Variants in IGSF21 observed in about 807,000 individuals in gnomAD.
IGSF21 encodes immunoglobin superfamily member 21, also known as immunoglobulin superfamily member 21.
In IGSF21, 28 loss-of-function variants were observed where a neutral mutation model predicts 46.8. That is an observed-to-expected ratio of 0.60 (90% confidence interval 0.44 to 0.82). The LOEUF is 0.82. Among genes scored for constraint, IGSF21 ranks in the 40% least tolerant of loss-of-function variants. IGSF21 has a pLI of 0.00. For synonymous variants in IGSF21, 284 were observed against 273.6 expected, an observed-to-expected ratio of 1.04 and a Z score of -0.38; for missense variants, 624 against 665.5, an observed-to-expected ratio of 0.94 and a Z score of 0.69.
At chr1:18,123,182 C>T (rs975540654) in intron 1 of IGSF21, among the ~76,000 whole-genome samples, 14 of 152,152 alleles carry the variant, frequency 9.2e-5, no homozygotes, top group South Asian at 4.1e-4. Context: ...TAAGATTATT[C>T]GATGGGCAAT....
intron 4 of IGSF21, among the ~76,000 whole-genome samples, chr1:18,349,494 G>C (rs2085928233): frequency 6.6e-6 from 1 of 152,204 alleles, no homozygotes. Context: ...AGATAGGACA[G>C]GAGGCGCTGC....
intron 2 of IGSF21, among the ~76,000 whole-genome samples, chr1:18,286,991 C>G (rs371065922): frequency 0.02 from 3,063 of 151,822 alleles, 34 homozygotes; most frequent in Middle Eastern, 0.034. Flanking sequence ...ACCATCCCGG[C>G]TAAAACGGTG....
At position 18,322,769 on chromosome 1, in the gene IGSF21, G is replaced by T. The variant is rs2085616594; in HGVS notation, c.306-12123G>T. Among the ~76,000 whole-genome samples the T allele has an allele frequency of 2.0e-5, 3 of 150,426 alleles. No homozygotes were observed. The highest frequency in any genetic ancestry group is 7.3e-5 in the African/African-American group (3 of 41,304). The stretch of plus-strand genomic sequence containing the variant: ...AACAGGCTGACCAGTGAGGGGCTAA[G>T]TGGATCAGTCAGGACCTGGAGGAGG... On this transcript the variant is annotated intron_variant, in intron 3 of 9. Coordinates refer to ENST00000251296, the MANE Select transcript of IGSF21 (RefSeq NM_032880.5). This position sits in a 1 kb window ranked among gnomAD's most constrained non-coding sequence, Gnocchi z 4.3.
intron 1 of IGSF21, among the ~76,000 whole-genome samples, chr1:18,214,852 C>T (rs996545965): frequency 6.6e-6 from 1 of 152,194 alleles, no homozygotes; most frequent in Non-Finnish European, 1.5e-5. Flanking sequence ...AAGCAATTCT[C>T]CTGCCTAGCC....
At chr1:18,207,955 C>T (rs904915700) in intron 1 of IGSF21, among the ~76,000 whole-genome samples, 1 of 152,068 alleles carries the variant, frequency 6.6e-6, no homozygotes, top group African/African-American at 2.4e-5. Flanking sequence ...AAGGGCTGTA[C>T]ACTTGGAAGA....
At chr1:18,179,575 A>G (rs2086836758) in intron 1 of IGSF21, among the ~76,000 whole-genome samples, 1 of 152,222 alleles carries the variant, frequency 6.6e-6, no homozygotes, top group South Asian at 2.1e-4. Context: ...AGGAATCAAA[A>G]TGAAAACATA....
intron 3 of IGSF21, among the ~76,000 whole-genome samples, chr1:18,306,625 T>C (rs2085428488): frequency 6.6e-6 from 1 of 152,168 alleles, no homozygotes; most frequent in South Asian, 2.1e-4. Flanking sequence ...GGGGCCAATG[T>C]AGATTTCATA....
chr1:18,184,965 G>A (rs2086889646), intron 1 of IGSF21, among the ~76,000 whole-genome samples: 1 of 152,206 alleles, frequency 6.6e-6, no homozygotes, highest in African/African-American at 2.4e-5. Flanking sequence ...GTTCATAAGA[G>A]TACCTGTATC....
intron 4 of IGSF21, among the ~76,000 whole-genome samples, chr1:18,346,236 G>A (rs1557653936): frequency 6.6e-6 from 1 of 152,158 alleles, no homozygotes; most frequent in Admixed American, 6.5e-5. Flanking sequence ...GGCAAAGGTG[G>A]TCAGGAAAGA....
intron 3 of IGSF21, among the ~76,000 whole-genome samples, chr1:18,331,449 T>C (rs2085712479): frequency 6.6e-6 from 1 of 152,254 alleles, no homozygotes. Context: ...TGTTCCTTTT[T>C]ATGGCTGAAT....
chr1:18,182,031 AGGCACC>A (rs1284191066), intron 1 of IGSF21, among the ~76,000 whole-genome samples: 1 of 152,164 alleles, frequency 6.6e-6, no homozygotes, highest in African/African-American at 2.4e-5. Flanking sequence ...GCCCTATGCC[AGGCACC>A]CCCATTTGTT....
In IGSF21 at chr1:18,296,113, G is replaced by A. The variant is rs116695391; in HGVS notation, c.305+4126G>A. On this transcript the variant is annotated intron_variant, in intron 3 of 9. Transcript: ENST00000251296. ...GGATGAATGCTGTCAACTCTCTCCC[G>A]GAGTTTCTCAGTGACCCCCCAGAAT... 4.3e-3 allele frequency among the ~76,000 whole-genome samples: 657 copies of A among 152,278 alleles called. 10 individuals are homozygous for A. Among genetic ancestry groups the A allele is most frequent in the African/African-American group, 0.015 (616 of 41,564 alleles).
chr1:18,309,466 T>G (rs951434951), intron 3 of IGSF21, among the ~76,000 whole-genome samples: 3 of 152,178 alleles, frequency 2.0e-5, no homozygotes, highest in Non-Finnish European at 4.4e-5. Context: ...GAGCCAGGAT[T>G]TGAACCCAGG....
intron 1 of IGSF21, among the ~76,000 whole-genome samples, chr1:18,141,655 C>T (rs1374395324): frequency 6.6e-6 from 1 of 152,162 alleles, no homozygotes; most frequent in African/African-American, 2.4e-5. Context: ...AGGCAAGTCG[C>T]TTTACCTCTC....
At chr1:18,249,634 G>A (rs2084817939) in intron 2 of IGSF21, among the ~76,000 whole-genome samples, 2 of 152,320 alleles carry the variant, frequency 1.3e-5, no homozygotes, top group South Asian at 4.1e-4. Context: ...TCACCCCGCT[G>A]TGCCTATAAA....
intron 1 of IGSF21, among the ~76,000 whole-genome samples, chr1:18,225,085 T>TCTCTCTCTCTCTCTCTCTCACACA: frequency 1.0e-3 from 53 of 51,596 alleles, no homozygotes; most frequent in East Asian, 1.6e-3. Context: ...TCTCTCTCTC[T>TCTCTCTCTCTCTCTCTCTCACACA]CACACACACA....
intron 1 of IGSF21, among the ~76,000 whole-genome samples, chr1:18,147,176 T>C (rs148379776): frequency 3.3e-5 from 5 of 152,312 alleles, no homozygotes; most frequent in Non-Finnish European, 7.3e-5. Context: ...AGAGAGATAT[T>C]ATTAAAATGT....
chr1:18,161,743 C>A (rs189119323), intron 1 of IGSF21, among the ~76,000 whole-genome samples: 83 of 152,244 alleles, frequency 5.5e-4, no homozygotes, highest in African/African-American at 1.8e-3. Context: ...GATACAGTCT[C>A]GCGTGGCGGT....
intron 2 of IGSF21, among the ~76,000 whole-genome samples, chr1:18,261,089 C>T (rs1391838129): frequency 1.2e-4 from 19 of 152,204 alleles, no homozygotes; most frequent in Admixed American, 1.2e-3. Flanking sequence ...GCTGGAGCAC[C>T]CAGCTGGGGA....
Sources: allele counts gnomAD v4.1 joint callset (sites outside exome capture counted in the v4.1 genomes callset), GRCh38; gene constraint gnomAD v4.1.1; non-coding constraint Gnocchi (gnomAD v3.1); transcripts MANE v1.5; gene names NCBI Gene and HGNC (gene_info 2026-07-23, HGNC 2026-07-21).